CSMD1: variants seen among roughly 807,000 people sequenced by gnomAD.
CSMD1 encodes CUB and Sushi multiple domains 1, also known as CUB and sushi domain-containing protein 1.
In CSMD1, 213 loss-of-function variants were observed where a neutral mutation model predicts 417.5. The ratio of observed to expected loss-of-function variants is 0.51; its 90% CI spans 0.46 to 0.57. The LOEUF is 0.57. CSMD1 is among the 20% of genes least tolerant of loss of function. The pLI, the probability that CSMD1 is intolerant of heterozygous loss-of-function variation, is 0.00. For synonymous variants in CSMD1, 2,862 were observed against 1,736.8 expected, an observed-to-expected ratio of 1.65 and a Z score of -16.11; for missense variants, 6,923 against 4,529.7, an observed-to-expected ratio of 1.53 and a Z score of -15.17.
chr8:4,285,949 C>T (rs373144115), intron 3 of CSMD1, among the ~76,000 whole-genome samples: 9 of 151,994 alleles, frequency 5.9e-5, no homozygotes, highest in South Asian at 4.2e-4. Context: ...ATGATATATC[C>T]GCAATGCTAT....
intron 5 of CSMD1, among the ~76,000 whole-genome samples, chr8:3,975,000 T>C (rs189221070): frequency 1.2e-4 from 19 of 152,336 alleles, no homozygotes; most frequent in African/African-American, 4.3e-4. Context: ...CTTGAGTTCT[T>C]TGCAGTGAAA....
In CSMD1 at chr8:4,635,754, T is replaced by C. The variant is rs115038017; in HGVS notation, c.302+1588A>G. Among the ~76,000 whole-genome samples, 665 of 152,220 alleles carry C rather than the reference T, an allele frequency of 4.4e-3. 2 individuals carry two copies. Among genetic ancestry groups the C allele is most frequent in the African/African-American group, 0.015 (640 of 41,568 alleles). On this transcript the variant is annotated intron_variant, in intron 2 of 69. Transcript: ENST00000635120. ...ACTGGCTTTTAAAGAGCATAAATTA[T>C]TTAAGAAAGCCTACATCAAATTAGC...
At chr8:4,218,608 A>T (rs1340748393) in intron 3 of CSMD1, among the ~76,000 whole-genome samples, 1 of 152,158 alleles carries the variant, frequency 6.6e-6, no homozygotes, top group Non-Finnish European at 1.5e-5. Flanking sequence ...GCTTAATTTC[A>T]ATAAAATCAT....
chr8:4,089,093 A>G (rs184796948), intron 3 of CSMD1, among the ~76,000 whole-genome samples: 3 of 152,326 alleles, frequency 2.0e-5, no homozygotes, highest in Admixed American at 2.0e-4. Context: ...ACCATGTAGG[A>G]TTCAGGAAAC....
At chr8:3,521,519 G>T (rs567262636) in intron 10 of CSMD1, among the ~76,000 whole-genome samples, 39 of 152,188 alleles carry the variant, frequency 2.6e-4, no homozygotes, top group South Asian at 1.0e-3. Flanking sequence ...ACAATGATCT[G>T]CCTGAGTATC....
chr8:3,441,860 T>C (rs989805260), intron 12 of CSMD1, among the ~76,000 whole-genome samples: 3 of 151,858 alleles, frequency 2.0e-5, no homozygotes, highest in African/African-American at 4.8e-5. Flanking sequence ...AAAAAATCAC[T>C]GTAAACAGCC....
intron 1 of CSMD1, among the ~76,000 whole-genome samples, chr8:4,981,832 G>T (rs1348473688): frequency 6.6e-6 from 1 of 152,056 alleles, no homozygotes; most frequent in Non-Finnish European, 1.5e-5. Flanking sequence ...ATGTGTACAG[G>T]ATTATGTGAT....
chr8:2,939,300 C>T (rs762793057), intron 69 of CSMD1, among the ~76,000 whole-genome samples: 2 of 152,236 alleles, frequency 1.3e-5, no homozygotes, highest in African/African-American at 4.8e-5. Flanking sequence ...TATGCTTACA[C>T]TAAATTTCAA....
intron 5 of CSMD1, among the ~76,000 whole-genome samples, chr8:3,898,794 C>A (rs761193881): frequency 4.6e-5 from 7 of 152,168 alleles, no homozygotes; most frequent in Admixed American, 3.3e-4. Flanking sequence ...AAAACATTAA[C>A]ATCTTCCCTA....
intron 5 of CSMD1, among the ~76,000 whole-genome samples, chr8:3,772,364 C>CATATATACATACATACATATATTT (rs1798632647): frequency 3.7e-5 from 4 of 107,558 alleles, no homozygotes; most frequent in Admixed American, 1.0e-4. Context: ...TTTATATATA[C>CATATATACATACATACATATATTT]ATATATACAT....
intron 2 of CSMD1, among the ~76,000 whole-genome samples, chr8:4,445,440 T>C (rs1173575591): frequency 6.6e-6 from 1 of 152,210 alleles, no homozygotes; most frequent in African/African-American, 2.4e-5. Flanking sequence ...AAATCGTCTT[T>C]CAAAATTTAT....
At chr8:4,785,716 A>G (rs559312066) in intron 1 of CSMD1, among the ~76,000 whole-genome samples, 2 of 152,188 alleles carry the variant, frequency 1.3e-5, no homozygotes, top group South Asian at 4.1e-4. Context: ...ATCACCCTTT[A>G]TAATAGAGCA....
chr8:3,428,237 G>A (rs566416400), intron 12 of CSMD1, among the ~76,000 whole-genome samples: 12 of 151,974 alleles, frequency 7.9e-5, no homozygotes, highest in African/African-American at 2.7e-4. Context: ...TTAAACACTC[G>A]AGGAAGGGGG....
intron 12 of CSMD1, among the ~76,000 whole-genome samples, chr8:3,422,557 A>G (rs1473100365): frequency 6.6e-6 from 1 of 152,214 alleles, no homozygotes; most frequent in Non-Finnish European, 1.5e-5. Context: ...AAGACAGAAG[A>G]CAAAACAGTA....
rs182666962 is a variant in CSMD1, at chr8:3,095,211, T to C, written c.7138+1638A>G. On this transcript the variant is annotated intron_variant, in intron 47 of 69. Transcript: ENST00000635120. ...ATAATTAAATATACTTTTATGTCCT[T>C]TGTAGGGATATATATGTCTATATAT... 5.3e-3 allele frequency among the ~76,000 whole-genome samples: 813 copies of C among 152,278 alleles called. 9 individuals are homozygous for C. The highest frequency in any genetic ancestry group is 0.019 in the African/African-American group (789 of 41,564).
intron 5 of CSMD1, among the ~76,000 whole-genome samples, chr8:3,936,987 C>A (rs1170230299): frequency 2.6e-5 from 4 of 152,118 alleles, no homozygotes; most frequent in Non-Finnish European, 5.9e-5. Flanking sequence ...TGATTTCAAT[C>A]CTCGTGAATG....
intron 5 of CSMD1, among the ~76,000 whole-genome samples, chr8:3,920,400 TC>T (rs1321751579): frequency 6.6e-6 from 1 of 151,938 alleles, no homozygotes; most frequent in East Asian, 1.9e-4. Context: ...CACTGTAGGT[TC>T]TTTTCTAAGA....
chr8:4,763,986 A>T (rs1812282886), intron 1 of CSMD1, among the ~76,000 whole-genome samples: 1 of 152,198 alleles, frequency 6.6e-6, no homozygotes, highest in Non-Finnish European at 1.5e-5. Context: ...CCTGATAGAA[A>T]ACCAACGTCT....
At chr8:4,830,717 GT>G (rs1264776358) in intron 1 of CSMD1, among the ~76,000 whole-genome samples, 1 of 152,220 alleles carries the variant, frequency 6.6e-6, no homozygotes, top group East Asian at 1.9e-4. Flanking sequence ...GCAACCCTGT[GT>G]CATTGTATCT....
Sources: gnomAD v4.1 joint callset for allele counts (sites outside exome capture counted in the v4.1 genomes callset) on GRCh38, gnomAD v4.1.1 for gene constraint, MANE v1.5 for transcripts, NCBI Gene and HGNC (gene_info 2026-07-23, HGNC 2026-07-21) for gene names.